The following TBC1D1 variants were observed in gnomAD, a reference collection of about 807,000 sequenced individuals.
The protein encoded by TBC1D1 is TBC1 domain family member 1.
A neutral mutation model predicts 125.6 loss-of-function variants in TBC1D1; 89 were observed. That is an observed-to-expected ratio of 0.71 (90% CI 0.60 to 0.85). The LOEUF is 0.85. Ranked by LOEUF, TBC1D1 falls within the 40% of genes least tolerant of loss-of-function variation. The pLI is 0.00. For missense variants in TBC1D1, 1,377 were observed against 1,469.2 expected (o/e 0.94, Z 1.03); for synonymous variants, 565 against 564.1 (o/e 1.00, Z -0.02).
intron 2 of TBC1D1, among the ~76,000 whole-genome samples, chr4:37,933,509 C>T (rs571558709): frequency 2.6e-5 from 4 of 151,324 alleles, no homozygotes; most frequent in African/African-American, 7.3e-5. Flanking sequence ...TGGAGTCAGG[C>T]GGAGAATAGA....
chr4:37,970,059 T>C lies in TBC1D1; in HGVS notation c.418-44450T>C, dbSNP rs1731746601. ...GCATAGTGCTTTCAAGGTCCATCAG[T>C]GCTGTGGCATGTATCAGTACTTCAT... is the stretch of plus-strand genomic sequence containing the variant. On this transcript the variant is annotated intron_variant, in intron 2 of 19. Coordinates refer to ENST00000261439, the MANE Select transcript of TBC1D1 (RefSeq NM_015173.4). 2.6e-5 allele frequency among the ~76,000 whole-genome samples: 4 copies of C among 152,376 alleles called. No individual in the cohort carries two copies. The South Asian group carries it at 8.3e-4, about 32-fold the overall frequency.
At position 37,958,968 on chromosome 4, in the gene TBC1D1, G is replaced by T. The variant is rs57223206; in HGVS notation, c.418-55541G>T. On this transcript the variant is annotated intron_variant, in intron 2 of 19. Coordinates refer to ENST00000261439, the MANE Select transcript of TBC1D1 (RefSeq NM_015173.4). ...TACATTCCCTCACTGACTCTGGGTG[G>T]CACTTGAATTTACAAGCTCCATATA... Among the ~76,000 whole-genome samples the T allele has an allele frequency of 6.9e-3, 1,057 of 152,234 alleles. 15 individuals are homozygous for T. The highest frequency in any genetic ancestry group is 0.024 in the African/African-American group (1,013 of 41,530).
At chr4:37,973,039 G>T (rs1732380496) in intron 2 of TBC1D1, among the ~76,000 whole-genome samples, 1 of 152,134 alleles carries the variant, frequency 6.6e-6, no homozygotes. Flanking sequence ...CTACATGCTG[G>T]TAGTGAATTA....
chr4:38,113,316 A>G lies in TBC1D1; in HGVS notation c.2558-2394A>G, dbSNP rs115646533. On this transcript the variant is annotated intron_variant, in intron 15 of 19. Coordinates refer to ENST00000261439, the MANE Select transcript of TBC1D1 (RefSeq NM_015173.4). ...CCATCTGACCACTCTTGAGTGGCCAATTAGCATAGGTCACTCCCCACCCTG... is the reference window on the plus strand; with the variant it reads ...CCATCTGACCACTCTTGAGTGGCCAGTTAGCATAGGTCACTCCCCACCCTG... Among the ~76,000 whole-genome samples the G allele has an allele frequency of 1.3e-3, 203 of 152,248 alleles. 1 individual carries two copies. Among genetic ancestry groups the G allele is most frequent in the African/African-American group, 4.4e-3 (184 of 41,556 alleles).
intron 7 of TBC1D1, among the ~76,000 whole-genome samples, chr4:38,033,841 G>C (rs1159262602): frequency 6.6e-6 from 1 of 152,110 alleles, no homozygotes; most frequent in Non-Finnish European, 1.5e-5. Flanking sequence ...TGCACTTAAG[G>C]TTCTTCCATG....
chr4:37,965,099 C>T (rs1730823998), intron 2 of TBC1D1, among the ~76,000 whole-genome samples: 1 of 152,248 alleles, frequency 6.6e-6, no homozygotes, highest in Non-Finnish European at 1.5e-5. Context: ...TCCTGAACCT[C>T]AGTTTCCTCA....
chr4:38,102,643 C>T lies in TBC1D1; in HGVS notation c.2399-356C>T, dbSNP rs568767649. ...CCCTGTAATCCCAGGACTTTGGAGG[C>T]TGAGGCAGGAGTATCGCTTGAGCCC... is the stretch of plus-strand genomic sequence containing the variant. On this transcript the variant is annotated intron_variant, in intron 14 of 19. Coordinates refer to ENST00000261439, the MANE Select transcript of TBC1D1 (RefSeq NM_015173.4). Among the ~76,000 whole-genome samples the T allele has an allele frequency of 7.4e-4, 112 of 152,158 alleles. 4 individuals are homozygous for T. In the South Asian group the frequency reaches 0.016, roughly 22 times the overall value.
At chr4:38,012,808 T>G (rs1741788905) in intron 2 of TBC1D1, among the ~76,000 whole-genome samples, 1 of 152,140 alleles carries the variant, frequency 6.6e-6, no homozygotes, top group Admixed American at 6.5e-5. Context: ...CTATTTTGTT[T>G]TTTTTGAGAC....
At chr4:38,054,955 A>G (rs1401275072) in intron 12 of TBC1D1, 2 of 152,556 alleles carry the variant, frequency 1.3e-5, no homozygotes, top group Non-Finnish European at 2.9e-5. Context: ...AGGCGTGCTC[A>G]CTTGAGGCGT....
At chr4:37,918,334 C>T (rs530653515) in intron 2 of TBC1D1, among the ~76,000 whole-genome samples, 7 of 152,108 alleles carry the variant, frequency 4.6e-5, no homozygotes, top group Non-Finnish European at 1.0e-4. Flanking sequence ...CTTTGTGCTT[C>T]ATGAAGAAAA....
chr4:38,021,485 T>C, intron 5 of TBC1D1, 101 bp from the exon 6 acceptor site: 1 of 1,153,376 alleles, frequency 8.7e-7, no homozygotes, highest in Non-Finnish European at 1.2e-6. Context: ...CAGAAAACTC[T>C]TAAAGCTTAA....
chr4:37,981,660 G>A (rs1200982720), intron 2 of TBC1D1, among the ~76,000 whole-genome samples: 1 of 152,196 alleles, frequency 6.6e-6, no homozygotes, highest in Non-Finnish European at 1.5e-5. Context: ...GAGAAGGGAG[G>A]TATGGCTGGA....
At chr4:38,082,920 T>C (rs926276798) in intron 12 of TBC1D1, among the ~76,000 whole-genome samples, 2 of 152,100 alleles carry the variant, frequency 1.3e-5, no homozygotes, top group Admixed American at 6.6e-5. Context: ...TAAATGGCTA[T>C]TTTGGGAGGG....
rs200739110 is a variant in TBC1D1 at position 38,093,529 on chromosome 4, T to C, written c.2237-2400T>C. 3.3e-3 allele frequency among the ~76,000 whole-genome samples: 319 copies of C among 96,960 alleles called. 1 individual carries two copies. Among genetic ancestry groups the C allele is most frequent in the East Asian group, 0.016 (22 of 1,418 alleles). The allele number at this position is 96,960 out of a possible 152,430, so 63.6% of individuals were successfully genotyped here. A position where few individuals can be genotyped will look rare whatever the true frequency, so the allele number is the denominator to read the frequency against. ...TCTGCAAGGCCGTTTTCCCCCCCCT[T>C]TTTTTTTTTTTTGAGACAGAGTTTT... is the stretch of plus-strand genomic sequence containing the variant. On this transcript the variant is annotated intron_variant, in intron 13 of 19. Coordinates refer to ENST00000261439, the MANE Select transcript of TBC1D1 (RefSeq NM_015173.4).
In TBC1D1 at chr4:38,052,724, GCGCGCA is replaced by G. The variant is rs1162255573; in HGVS notation, c.1911-1473_1911-1468del. Among the ~76,000 whole-genome samples, 500 of 59,988 alleles carry G rather than the reference GCGCGCA, an allele frequency of 8.3e-3. 4 individuals carry two copies. The highest frequency in any genetic ancestry group is 0.025 in the African/African-American group (442 of 17,512). The allele number at this position is 59,988 out of a possible 152,430, so 39.4% of individuals were successfully genotyped here. On this transcript the variant is annotated intron_variant, in intron 11 of 19. Transcript: ENST00000261439. ...TATATACACACACACGCGCGCGCGCGCGCGCACACACACACACACACACACACACAC... is the reference window on the plus strand; with the variant it reads ...TATATACACACACACGCGCGCGCGCGCACACACACACACACACACACACAC...
At chr4:37,947,175 G>C (rs556873909) in intron 2 of TBC1D1, among the ~76,000 whole-genome samples, 2 of 152,138 alleles carry the variant, frequency 1.3e-5, no homozygotes, top group African/African-American at 4.8e-5. Flanking sequence ...ATTTATTTTT[G>C]AGACAGAGTC....
intron 15 of TBC1D1, among the ~76,000 whole-genome samples, chr4:38,113,276 C>T (rs1204860178): frequency 6.6e-6 from 1 of 152,188 alleles, no homozygotes; most frequent in Non-Finnish European, 1.5e-5. Context: ...ACCCGTGAAG[C>T]CAGCTCTGCC....
At chr4:37,998,044 G>A (rs149378438) in intron 2 of TBC1D1, among the ~76,000 whole-genome samples, 8 of 152,020 alleles carry the variant, frequency 5.3e-5, no homozygotes, top group East Asian at 1.9e-4. Flanking sequence ...ACCTTTCCCC[G>A]TCCTCAGCCC....
rs34665203 is a variant in TBC1D1 at position 38,068,300 on chromosome 4, CTG to C, written c.2050+13967_2050+13968del. On this transcript the variant is annotated intron_variant, in intron 12 of 19. Coordinates refer to ENST00000261439, the MANE Select transcript of TBC1D1 (RefSeq NM_015173.4). ...AGAGGCAGGAAGGTAGTGATTCTGCCTGTGTGGAATGTTCTAGCATTCCCTGG... is the reference window on the plus strand; with the variant it reads ...AGAGGCAGGAAGGTAGTGATTCTGCCTGTGGAATGTTCTAGCATTCCCTGG... Among the ~76,000 whole-genome samples, 756 of 152,298 alleles carry C rather than the reference CTG, an allele frequency of 5.0e-3. 3 individuals are homozygous for C. The highest frequency in any genetic ancestry group is 8.6e-3 in the Non-Finnish European group (583 of 68,018).
Sources: allele counts gnomAD v4.1 joint callset (sites outside exome capture counted in the v4.1 genomes callset), GRCh38; gene constraint gnomAD v4.1.1; transcripts MANE v1.5; gene names NCBI Gene and HGNC (gene_info 2026-07-23, HGNC 2026-07-21).